C1orf146: variants seen among roughly 807,000 people sequenced by gnomAD.
C1orf146 encodes the protein chromosome 1 open reading frame 146, also known as protein SPO16 homolog.
C1orf146 carries 22 observed loss-of-function variants against 23.0 expected under a neutral mutation model. The observed-to-expected ratio is 0.96, with a 90% confidence interval of 0.68 to 1.36. C1orf146 has a LOEUF of 1.36. C1orf146 is among the 40% of genes most tolerant of loss of function. The probability of loss-of-function intolerance (pLI) is 0.00; values close to 1 mark genes in which losing one functional copy is unlikely to be tolerated. For missense variants in C1orf146, 199 were observed against 206.8 expected (o/e 0.96, Z 0.23); for synonymous variants, 59 against 65.3 (o/e 0.90, Z 0.47).
chr1:92,219,146 T>C (rs1651758168), intron 1 of C1orf146, among the ~76,000 whole-genome samples: 1 of 152,224 alleles, frequency 6.6e-6, no homozygotes, highest in South Asian at 2.1e-4. Flanking sequence ...TTGTAACCTT[T>C]GCATATATGT....
intron 3 of C1orf146, 144 bp downstream of exon 3, chr1:92,242,449 C>G (rs921168755): frequency 5.8e-6 from 2 of 346,598 alleles, no homozygotes; most frequent in African/African-American, 2.2e-5. Flanking sequence ...TACAAACAGT[C>G]CATATGGCCA....
chr1:92,240,202 C>T (rs887364465), intron 2 of C1orf146, among the ~76,000 whole-genome samples: 20 of 152,316 alleles, frequency 1.3e-4, no homozygotes, highest in Middle Eastern at 3.4e-3. Context: ...GTTCTATTTT[C>T]GTCAAAAGAT....
chr1:92,242,186 TG>T, intron 2 of C1orf146, 25 bp from the exon 3 acceptor site: 1 of 1,388,450 alleles, frequency 7.2e-7, no homozygotes, highest in Non-Finnish European at 1.0e-6. Flanking sequence ...GCCTTAAATT[TG>T]TATTTCTGAT....
At chr1:92,242,389 G>A in intron 3 of C1orf146, 84 bp downstream of exon 3, 1 of 687,722 alleles carries the variant, frequency 1.5e-6, no homozygotes, top group Non-Finnish European at 2.4e-6. Context: ...CAGTAACCAT[G>A]TAATGTATTA....
chr1:92,227,185 A>C (rs1177115818), intron 1 of C1orf146, among the ~76,000 whole-genome samples: 1 of 152,088 alleles, frequency 6.6e-6, no homozygotes, highest in Non-Finnish European at 1.5e-5. Flanking sequence ...CCTTTCCATT[A>C]GTCTTCATTT....
intron 2 of C1orf146, among the ~76,000 whole-genome samples, chr1:92,241,493 A>G (rs1304669804): frequency 6.7e-6 from 1 of 150,272 alleles, no homozygotes; most frequent in South Asian, 2.1e-4. Context: ...CCAGCCTCCA[A>G]GTTGTTTGTT....
At chr1:92,237,273 G>A (rs932531355) in intron 2 of C1orf146, among the ~76,000 whole-genome samples, 3 of 152,128 alleles carry the variant, frequency 2.0e-5, no homozygotes, top group Admixed American at 6.5e-5. Context: ...GTGATGTACA[G>A]ATGGGTTTTT....
At chr1:92,220,114 T>C (rs1043615889) in intron 1 of C1orf146, among the ~76,000 whole-genome samples, 1 of 152,174 alleles carries the variant, frequency 6.6e-6, no homozygotes, top group African/African-American at 2.4e-5. Context: ...TACTTTCTTT[T>C]TGGCACTACT....
chr1:92,220,252 G>A (rs1437987381), intron 1 of C1orf146, among the ~76,000 whole-genome samples: 2 of 152,174 alleles, frequency 1.3e-5, no homozygotes, highest in African/African-American at 4.8e-5. Context: ...CTTGTTGCTA[G>A]CACCCAGGTG....
chr1:92,223,989 G>C (rs1651900198), intron 1 of C1orf146, among the ~76,000 whole-genome samples: 1 of 150,898 alleles, frequency 6.6e-6, no homozygotes, highest in African/African-American at 2.4e-5. Flanking sequence ...TACTGGTGCA[G>C]TTTTGTTGTT....
At chr1:92,225,840 C>G (rs1651952662) in intron 1 of C1orf146, among the ~76,000 whole-genome samples, 1 of 152,088 alleles carries the variant, frequency 6.6e-6, no homozygotes, top group Non-Finnish European at 1.5e-5. Context: ...CACTCCAGCT[C>G]TCTTACGGTT....
At chr1:92,231,778 A>G (rs781664397) in intron 2 of C1orf146, among the ~76,000 whole-genome samples, 29 of 151,924 alleles carry the variant, frequency 1.9e-4, no homozygotes, top group Non-Finnish European at 2.6e-4. Flanking sequence ...CAGTAAAGAT[A>G]TGCAAATATA....
At chr1:92,234,207 T>C (rs1652212680) in intron 2 of C1orf146, among the ~76,000 whole-genome samples, 3 of 152,214 alleles carry the variant, frequency 2.0e-5, no homozygotes, top group African/African-American at 4.8e-5. Context: ...AAGGGAATGC[T>C]TCCAGTTTTT....
chr1:92,221,327 C>T (rs547751352), intron 1 of C1orf146, among the ~76,000 whole-genome samples: 1 of 152,100 alleles, frequency 6.6e-6, no homozygotes, highest in African/African-American at 2.4e-5. Context: ...ATGGGGACTA[C>T]TAGAGGGGAG....
chr1:92,236,928 C>T (rs1473783329), intron 2 of C1orf146, among the ~76,000 whole-genome samples: 2 of 152,218 alleles, frequency 1.3e-5, no homozygotes, highest in African/African-American at 4.8e-5. Flanking sequence ...GCATTCTTCA[C>T]GTACTTCTCG....
chr1:92,229,022 T>C (rs985802452), intron 1 of C1orf146: 16 of 475,192 alleles, frequency 3.4e-5, no homozygotes, highest in South Asian at 2.5e-4. Context: ...TTTAGAAGCA[T>C]TTGTGGTGAA....
chr1:92,218,633 G>T (rs911738539), intron 1 of C1orf146, among the ~76,000 whole-genome samples: 3 of 152,078 alleles, frequency 2.0e-5, no homozygotes, highest in Admixed American at 2.0e-4. Context: ...CGTGTCACGG[G>T]AGTTTGTTGT....
chr1:92,244,979 G>A, intron 5 of C1orf146, 122 bp downstream of exon 5: 2 of 570,272 alleles, frequency 3.5e-6, no homozygotes, highest in Non-Finnish European at 6.1e-6. Context: ...GGGAGTTGCT[G>A]TTTCAGGGTG....
chr1:92,233,418 G>T (rs1239531275), intron 2 of C1orf146, among the ~76,000 whole-genome samples: 4 of 152,004 alleles, frequency 2.6e-5, no homozygotes, highest in African/African-American at 9.7e-5. Flanking sequence ...TCAGATAGTT[G>T]TAGATATGCG....
Sources: allele counts gnomAD v4.1 joint callset (sites outside exome capture counted in the v4.1 genomes callset), GRCh38; gene constraint gnomAD v4.1.1; transcripts MANE v1.5; gene names NCBI Gene and HGNC (gene_info 2026-07-23, HGNC 2026-07-21).